Variants in MACROH2A2 observed in about 807,000 individuals in gnomAD.
The protein encoded by MACROH2A2 is core histone macro-H2A.2.
In MACROH2A2, 6 loss-of-function variants were observed where a neutral mutation model predicts 37.6. The observed-to-expected ratio is 0.16, with a 90% CI of 0.09 to 0.32. MACROH2A2 has a LOEUF of 0.32. Among genes scored for constraint, MACROH2A2 ranks in the 10% least tolerant of loss-of-function variants. The pLI is 1.00. For synonymous variants in MACROH2A2, 192 were observed against 202.7 expected, an observed-to-expected ratio of 0.95 and a Z score of 0.45; for missense variants, 290 against 485.9, an observed-to-expected ratio of 0.60 and a Z score of 3.79.
intron 1 of MACROH2A2, among the ~76,000 whole-genome samples, chr10:70,070,591 A>C (rs2072103486): frequency 6.6e-6 from 1 of 152,138 alleles, no homozygotes; most frequent in Non-Finnish European, 1.5e-5. Context: ...TCCTGGGTTC[A>C]AGTGATTCTT....
At chr10:70,102,366 A>G (rs1209865223) in intron 7 of MACROH2A2, among the ~76,000 whole-genome samples, 1 of 152,164 alleles carries the variant, frequency 6.6e-6, no homozygotes, top group South Asian at 2.1e-4. Flanking sequence ...CTGACCCTAC[A>G]TGGACATGAG....
intron 2 of MACROH2A2, among the ~76,000 whole-genome samples, chr10:70,080,387 C>G (rs1188277319): frequency 6.6e-6 from 1 of 151,958 alleles, no homozygotes; most frequent in East Asian, 1.9e-4. Context: ...GGATGAGAAC[C>G]AGGCTGCAGC....
intron 1 of MACROH2A2, among the ~76,000 whole-genome samples, chr10:70,069,625 G>A (rs1423595457): frequency 6.6e-6 from 1 of 152,116 alleles, no homozygotes. Context: ...TAAACTTAGT[G>A]TATTGTAGTC....
intron 2 of MACROH2A2, among the ~76,000 whole-genome samples, chr10:70,081,769 G>C (rs2072177962): frequency 6.6e-6 from 1 of 152,114 alleles, no homozygotes; most frequent in African/African-American, 2.4e-5. Context: ...CAGATCTTAT[G>C]AATGAATGAA....
intron 1 of MACROH2A2, among the ~76,000 whole-genome samples, chr10:70,071,076 TGA>T (rs2072107580): frequency 1.4e-5 from 2 of 139,242 alleles, no homozygotes; most frequent in Non-Finnish European, 3.1e-5. Context: ...TGCATGTGCA[TGA>T]GTGTGTGTGT....
intron 1 of MACROH2A2, among the ~76,000 whole-genome samples, chr10:70,057,071 C>G (rs770720796): frequency 6.6e-6 from 1 of 151,924 alleles, no homozygotes; most frequent in Non-Finnish European, 1.5e-5. Context: ...TCATTTCCCC[C>G]AAAAAATCAC....
At chr10:70,074,421 G>A (rs2072128374) in intron 1 of MACROH2A2, among the ~76,000 whole-genome samples, 1 of 152,124 alleles carries the variant, frequency 6.6e-6, no homozygotes, top group Admixed American at 6.6e-5. Flanking sequence ...CAGTAAAACT[G>A]CCTCTTCTGG....
rs1320544488 is a variant in MACROH2A2 at position 70,062,323 on chromosome 10, T to C, written c.-60+9323T>C. On this transcript the variant is annotated intron_variant, in intron 1 of 8. Transcript: ENST00000373255. ...ATCACTTTTCATAATATTTGCAATA[T>C]AAAATATTCTGAAGCACAATACCAC... 3.3e-5 allele frequency among the ~76,000 whole-genome samples: 5 copies of C among 152,186 alleles called. No homozygotes were observed. The East Asian group carries it at 9.6e-4, about 29-fold the overall frequency.
intron 7 of MACROH2A2, among the ~76,000 whole-genome samples, chr10:70,101,929 G>T (rs1285101539): frequency 6.6e-6 from 1 of 152,180 alleles, no homozygotes; most frequent in Non-Finnish European, 1.5e-5. Flanking sequence ...GAATAGAGCT[G>T]CAGTGAACAT....
intron 1 of MACROH2A2, among the ~76,000 whole-genome samples, chr10:70,059,386 T>G (rs2072037840): frequency 2.6e-5 from 4 of 151,778 alleles, no homozygotes; most frequent in Non-Finnish European, 5.9e-5. Context: ...CTTTTTTTTT[T>G]TTTTGAGACA....
chr10:70,108,807 A>G (rs1352411805), intron 7 of MACROH2A2, among the ~76,000 whole-genome samples: 3 of 152,254 alleles, frequency 2.0e-5, no homozygotes, highest in East Asian at 1.9e-4. Context: ...GGCGCATCAG[A>G]GCAGCATTAA....
intron 7 of MACROH2A2, among the ~76,000 whole-genome samples, chr10:70,104,949 C>CAGT (rs2072327833): frequency 6.6e-6 from 1 of 152,188 alleles, no homozygotes. Context: ...AGACCAACTG[C>CAGT]AGTGCAGGCC....
chr10:70,080,139 C>T (rs527690738), intron 2 of MACROH2A2, among the ~76,000 whole-genome samples: 36 of 151,938 alleles, frequency 2.4e-4, no homozygotes, highest in African/African-American at 5.3e-4. Context: ...ATTAGCCGGA[C>T]GTGATGGTGC....
intron 2 of MACROH2A2, among the ~76,000 whole-genome samples, chr10:70,083,981 A>T (rs2136630986): frequency 1.3e-5 from 2 of 152,058 alleles, no homozygotes; most frequent in Admixed American, 1.3e-4. Flanking sequence ...TTGATAGTAG[A>T]TATTGAGAAG....
intron 2 of MACROH2A2, among the ~76,000 whole-genome samples, chr10:70,083,174 T>C (rs145076292): frequency 6.6e-6 from 1 of 152,142 alleles, no homozygotes; most frequent in East Asian, 1.9e-4. Context: ...GAGGCCTTGG[T>C]CCCAGGTGGG....
At chr10:70,079,606 C>CACACAT (rs1564543470) in intron 2 of MACROH2A2, among the ~76,000 whole-genome samples, 1 of 150,834 alleles carries the variant, frequency 6.6e-6, no homozygotes, top group Non-Finnish European at 1.5e-5. Flanking sequence ...CACACACACA[C>CACACAT]GGCAGAGGAG....
rs369672754 is a variant in MACROH2A2 at position 70,111,501 on chromosome 10, C to T, written c.954-17C>T. 9.3e-6 allele frequency: 15 copies of T among 1,609,188 alleles called. No homozygotes were observed. Among genetic ancestry groups the T allele is most frequent in the African/African-American group, 1.3e-5 (1 of 74,658 alleles). ...AGGGACCAAAATGACATCGGCTCTT[C>T]TTTTGCTTTGGCACAGAAACTGCTT... On this transcript the variant is annotated splice_polypyrimidine_tract_variant and intron_variant, in intron 8 of 8. Coordinates refer to ENST00000373255, the MANE Select transcript of MACROH2A2 (RefSeq NM_018649.3).
chr10:70,074,640 C>T (rs1037349586), intron 1 of MACROH2A2, among the ~76,000 whole-genome samples: 1 of 152,094 alleles, frequency 6.6e-6, no homozygotes, highest in Non-Finnish European at 1.5e-5. Flanking sequence ...GGTGGTTTCC[C>T]CCATACCATT....
At chr10:70,071,449 A>G (rs911123669) in intron 1 of MACROH2A2, among the ~76,000 whole-genome samples, 3 of 152,192 alleles carry the variant, frequency 2.0e-5, no homozygotes, top group African/African-American at 7.2e-5. Flanking sequence ...AGGATGTTTA[A>G]GAGCAGAACA....
Sources: allele counts gnomAD v4.1 joint callset (sites outside exome capture counted in the v4.1 genomes callset), GRCh38; gene constraint gnomAD v4.1.1; transcripts MANE v1.5; gene names NCBI Gene and HGNC (gene_info 2026-07-23, HGNC 2026-07-21).